CRYBG3: variants seen among roughly 807,000 people sequenced by gnomAD.
The protein encoded by CRYBG3 is very large A-kinase anchor protein.
In CRYBG3, 127 loss-of-function variants were observed where a neutral mutation model predicts 244.2. The ratio of observed to expected loss-of-function variants is 0.52; its 90% CI spans 0.45 to 0.60. The LOEUF (loss-of-function observed/expected upper bound fraction) is 0.60. CRYBG3 is among the 20% of genes least tolerant of loss of function. CRYBG3 has a pLI of 0.00. For synonymous variants in CRYBG3, 1,132 were observed against 1,195.8 expected (o/e 0.95, Z 1.10); for missense variants, 3,325 against 3,442.5 (o/e 0.97, Z 0.85).
At chr3:97,920,189 G>C (rs952054767) in intron 17 of CRYBG3, among the ~76,000 whole-genome samples, 2 of 152,064 alleles carry the variant, frequency 1.3e-5, no homozygotes, top group Non-Finnish European at 2.9e-5. Context: ...ACTGTGCTAA[G>C]TACTGAATAT....
chr3:97,829,439 G>C (rs1046765429), intron 1 of CRYBG3, among the ~76,000 whole-genome samples: 1 of 152,158 alleles, frequency 6.6e-6, no homozygotes, highest in Non-Finnish European at 1.5e-5. Context: ...ACCCAGGACA[G>C]GTTATTAACC....
chr3:97,895,063 C>T (rs2108235745), intron 11 of CRYBG3, among the ~76,000 whole-genome samples: 1 of 152,136 alleles, frequency 6.6e-6, no homozygotes, highest in African/African-American at 2.4e-5. Flanking sequence ...GGCAGCCCTC[C>T]TAGGCTTTAT....
Position 97,892,924 on chromosome 3 carries a change from C to T in CRYBG3, c.7505C>T (p.Ser2502Phe). 1 of 1,586,898 alleles carries T rather than the reference C, an allele frequency of 6.3e-7. No individual in the cohort carries two copies. Among genetic ancestry groups the T allele is most frequent in the Admixed American group, 1.7e-5 (1 of 58,088 alleles). Reference sequence around the variant, plus strand: ...AAAGAGTTTAGTGAACATATAGATTCTGTTCCTAATTTTTTGAAAAATAAT... The same window carrying T: ...AAAGAGTTTAGTGAACATATAGATTTTGTTCCTAATTTTTTGAAAAATAAT... ...QAKEFSEHIDSVPNFLKNNGD... is the reference protein window; with the variant it reads ...QAKEFSEHIDFVPNFLKNNGD... Residue 2502 changes from serine (S) to phenylalanine (F), a missense_variant, in exon 11 of 22, where the codon TCT (serine) becomes TTT (phenylalanine). Physicochemically the swap from Ser to Phe is radical, Grantham distance 155 (BLOSUM62 -2). Transcript: ENST00000389622.
intron 17 of CRYBG3, among the ~76,000 whole-genome samples, chr3:97,917,488 G>A (rs2039940659): frequency 6.6e-6 from 1 of 152,104 alleles, no homozygotes; most frequent in Non-Finnish European, 1.5e-5. Context: ...CTTTTGCGAA[G>A]ATGTGTTATA....
chr3:97,866,848 T>C (rs1482747278), intron 3 of CRYBG3, among the ~76,000 whole-genome samples: 3 of 152,188 alleles, frequency 2.0e-5, no homozygotes, highest in Non-Finnish European at 2.9e-5. Context: ...CAAAGTCTCC[T>C]CAACAAATAA....
At chr3:97,910,101 C>T (rs1448587332) in intron 15 of CRYBG3, among the ~76,000 whole-genome samples, 1 of 151,580 alleles carries the variant, frequency 6.6e-6, no homozygotes, top group Non-Finnish European at 1.5e-5. Context: ...GGCAGTCTGC[C>T]CGTTCTCAGA....
At chr3:97,917,229 T>C (rs2039938135) in intron 17 of CRYBG3, among the ~76,000 whole-genome samples, 1 of 145,640 alleles carries the variant, frequency 6.9e-6, no homozygotes, top group Non-Finnish European at 1.5e-5. Context: ...AATGAAAAAT[T>C]TGGGATGAAA....
intron 2 of CRYBG3, among the ~76,000 whole-genome samples, chr3:97,849,861 T>C (rs2038958801): frequency 6.6e-6 from 1 of 152,148 alleles, no homozygotes; most frequent in Non-Finnish European, 1.5e-5. Context: ...AATACTTATA[T>C]CATAACAGGA....
intron 1 of CRYBG3, among the ~76,000 whole-genome samples, chr3:97,840,890 T>C (rs1246532740): frequency 6.6e-6 from 1 of 152,218 alleles, no homozygotes; most frequent in East Asian, 1.9e-4. Context: ...TCTTTTTACA[T>C]GTATTTGCCA....
rs150228571 is a variant in CRYBG3, at chr3:97,858,313, C to T, written c.217-5904C>T. On this transcript the variant is annotated intron_variant, in intron 2 of 21. Transcript: ENST00000389622. Reference sequence around the variant, plus strand: ...TTTTCTCTATTTTTAGAAATATTTGCTTTTAGAAAATTTGTTGACTTTTGA... The same window carrying T: ...TTTTCTCTATTTTTAGAAATATTTGTTTTTAGAAAATTTGTTGACTTTTGA... 5.9e-5 allele frequency among the ~76,000 whole-genome samples: 9 copies of T among 151,716 alleles called. 1 individual carries two copies. Among genetic ancestry groups the T allele is most frequent in the African/African-American group, 2.2e-4 (9 of 41,416 alleles).
In CRYBG3 at chr3:97,876,935, TAAAG is replaced by T; in HGVS notation, c.5742_5745del (p.Ile1914MetfsTer4). 4.1e-6 allele frequency: 6 copies of T among 1,479,566 alleles called. No individual in the cohort carries two copies. The highest frequency in any genetic ancestry group is 1.5e-5 in the South Asian group (1 of 66,540). The allele number at this position is 1,479,566 out of a possible 1,614,324, so 91.7% of individuals were successfully genotyped here. A position where few individuals can be genotyped will look rare whatever the true frequency, so the allele number is the denominator to read the frequency against. On this transcript the variant is annotated frameshift_variant, in exon 4 of 22. Coordinates refer to ENST00000389622, the MANE Select transcript of CRYBG3 (RefSeq NM_153605.4). LOFTEE classifies it high-confidence loss of function. ...GAAACAAAGGAAGAGCCTACAGAAA[TAAAG>T]GAAGGCTTGATAGCACATGAAAATA...
At chr3:97,892,304 A>G (rs1265195942) in intron 10 of CRYBG3, among the ~76,000 whole-genome samples, 2 of 152,122 alleles carry the variant, frequency 1.3e-5, no homozygotes, top group African/African-American at 4.8e-5. Flanking sequence ...TATTGTTTCT[A>G]CGGTTAATCA....
intron 2 of CRYBG3, among the ~76,000 whole-genome samples, chr3:97,858,213 T>C (rs1195445326): frequency 2.0e-5 from 3 of 151,852 alleles, no homozygotes; most frequent in African/African-American, 4.8e-5. Context: ...AGTCTATTCT[T>C]TTCTTGCCAA....
At position 97,877,075 on chromosome 3, in the gene CRYBG3, C is replaced by A. The variant is rs2039384515; in HGVS notation, c.5881C>A (p.Leu1961Ile). The A allele has an allele frequency of 6.2e-7, 1 of 1,609,896 alleles. No homozygotes were observed. The highest frequency in any genetic ancestry group is 1.7e-5 in the Admixed American group (1 of 59,678). ...DFQPGDTTVR[L>I]DKRMSLTAIY... ...TCAACCTGGGGATACCACAGTAAGA[C>A]TAGACAAAAGAATGTCTCTTACTGC... Residue 1961 changes from leucine (L) to isoleucine (I), a missense_variant, in exon 4 of 22, where the codon CTA (leucine) becomes ATA (isoleucine). Leu to Ile is a conservative substitution (Grantham distance 5). Around this residue, in one of 4 missense-constraint regions of CRYBG3, gnomAD observed 450 missense variants for 424.1 expected, o/e 1.06. Coordinates refer to ENST00000389622, the MANE Select transcript of CRYBG3 (RefSeq NM_153605.4).
chr3:97,939,528 A>G (rs2040202225), intron 19 of CRYBG3, among the ~76,000 whole-genome samples: 1 of 152,034 alleles, frequency 6.6e-6, no homozygotes, highest in Admixed American at 6.6e-5. Flanking sequence ...TTTTAAGTAT[A>G]ATTACAGAGC....
chr3:97,936,739 T>G (rs769294465), intron 18 of CRYBG3, 46 bp from the exon 19 acceptor site: 1 of 1,593,402 alleles, frequency 6.3e-7, no homozygotes, highest in African/African-American at 1.4e-5. Context: ...TGAGGGATTT[T>G]TTTTTGTTTT....
intron 7 of CRYBG3, among the ~76,000 whole-genome samples, chr3:97,884,607 T>G (rs1391848709): frequency 6.6e-6 from 1 of 152,170 alleles, no homozygotes. Flanking sequence ...CTTAAATTGT[T>G]TTTTGTTTCT....
rs1576538226 is a variant in CRYBG3 at position 97,875,831 on chromosome 3, C to T, written c.4637C>T (p.Thr1546Ile). 8.1e-7 allele frequency: 1 copy of T among 1,231,786 alleles called. No individual in the cohort carries two copies. Among genetic ancestry groups the T allele is most frequent in the Non-Finnish European group, 1.0e-6 (1 of 987,774 alleles). The allele number at this position is 1,231,786 out of a possible 1,614,324, so 76.3% of individuals were successfully genotyped here. Residue 1546 changes from threonine (T) to isoleucine (I), a missense_variant, in exon 4 of 22, where the codon ACA becomes ATA. This residue lies in a region of CRYBG3 where 635 missense variants were observed against 771.7 expected (regional missense o/e 0.82). Coordinates refer to ENST00000389622, the MANE Select transcript of CRYBG3 (RefSeq NM_153605.4). Reference sequence around the variant, plus strand: ...GAACTTATACCTTCCATGTTAGAAACAGGGAAAACAAACAAAAAGGATGCT... The same window carrying T: ...GAACTTATACCTTCCATGTTAGAAATAGGGAAAACAAACAAAAAGGATGCT... ...KIELIPSMLE[T>I]GKTNKKDAEL...
Position 97,876,685 on chromosome 3 carries a change from G to A in CRYBG3, c.5491G>A (p.Glu1831Lys). 1 of 1,239,736 alleles carries A rather than the reference G, an allele frequency of 8.1e-7. No homozygotes were observed. The highest frequency in any genetic ancestry group is 1.0e-6 in the Non-Finnish European group (1 of 992,888). 76.8% of individuals were successfully genotyped at this position (1,239,736 alleles called of 1,614,324 possible). A position where few individuals can be genotyped will look rare whatever the true frequency, so the allele number is the denominator to read the frequency against. Residue 1831 changes from glutamate to lysine, a missense_variant, in exon 4 of 22, where the codon GAG (glutamate) becomes AAG (lysine). Physicochemically the swap from Glu to Lys is moderately conservative, Grantham distance 56. Transcript: ENST00000389622. ...MEKACKRDVK[E>K]TIGATVSTPS... ...AAAAGCATGCAAGAGAGATGTTAAA[G>A]AGACTATTGGAGCAACTGTGTCCAC...
Sources: allele counts gnomAD v4.1 joint callset (sites outside exome capture counted in the v4.1 genomes callset), GRCh38; gene constraint gnomAD v4.1.1; regional missense constraint gnomAD v4.1.1; transcripts MANE v1.5; gene names NCBI Gene and HGNC (gene_info 2026-07-23, HGNC 2026-07-21).